The following TAFA2 variants were observed in gnomAD, a reference collection of about 807,000 sequenced individuals.
TAFA2 encodes the protein TAFA chemokine like family member 2.
TAFA2 carries 7 observed loss-of-function variants against 18.8 expected under a neutral mutation model. The ratio of observed to expected loss-of-function variants is 0.37; its 90% CI spans 0.21 to 0.70. The LOEUF is 0.70. TAFA2 is among the 30% of genes least tolerant of loss of function. The pLI, the probability that TAFA2 is intolerant of heterozygous loss-of-function variation, is 0.53. For synonymous variants in TAFA2, 60 were observed against 54.2 expected, an observed-to-expected ratio of 1.11 and a Z score of -0.47; for missense variants, 122 against 158.1, an observed-to-expected ratio of 0.77 and a Z score of 1.23.
intron 1 of TAFA2, chr12:62,258,160 T>A (rs1202394847): frequency 6.6e-6 from 1 of 152,182 alleles, no homozygotes; most frequent in Non-Finnish European, 1.5e-5. Context: ...AAGTTAGTAT[T>A]TTAAAGTGTT....
intron 1 of TAFA2, among the ~76,000 whole-genome samples, chr12:62,047,577 C>T (rs550705897): frequency 6.6e-6 from 1 of 152,092 alleles, no homozygotes; most frequent in Non-Finnish European, 1.5e-5. Context: ...ATTTAATTTC[C>T]AATGTAGCTT....
chr12:61,804,938 A>T (rs183427525), intron 2 of TAFA2, among the ~76,000 whole-genome samples: 23 of 152,116 alleles, frequency 1.5e-4, no homozygotes, highest in African/African-American at 5.5e-4. Flanking sequence ...CCATTTCTAT[A>T]GTATTTATAC....
chr12:62,196,091 G>A (rs2062648028), upstream of TAFA2, among the ~76,000 whole-genome samples: 1 of 152,188 alleles, frequency 6.6e-6, no homozygotes, highest in South Asian at 2.1e-4. Flanking sequence ...TATGGAGACA[G>A]CTTCTTTCTT....
Position 61,736,996 on chromosome 12 carries a change from T to C in TAFA2, c.384+16626A>G, listed in dbSNP as rs144875204. Among the ~76,000 whole-genome samples the C allele has an allele frequency of 6.0e-3, 917 of 152,078 alleles. 17 individuals carry two copies. Among genetic ancestry groups the C allele is most frequent in the African/African-American group, 0.021 (873 of 41,524 alleles). On this transcript the variant is annotated intron_variant, in intron 4 of 4. Coordinates refer to ENST00000416284, the MANE Select transcript of TAFA2 (RefSeq NM_178539.5). The stretch of plus-strand genomic sequence containing the variant: ...ACTTTCCCATCATAAAGATGAGACA[T>C]AGAGATAGTAATGTGAAAGACTGAC...
rs138019708 is a variant in TAFA2 at position 62,224,308 on chromosome 12, T to G, written c.-130+34455A>C. 3.5e-3 allele frequency among the ~76,000 whole-genome samples: 539 copies of G among 152,286 alleles called. 4 individuals carry two copies. Among genetic ancestry groups the G allele is most frequent in the Admixed American group, 9.7e-3 (149 of 15,298 alleles). On this transcript the variant is annotated intron_variant, in intron 1 of 5. Transcript: ENST00000551619. ...TTTAGGCTGCCACAGCAAAATACCA[T>G]AATCTGGGTGGCTTATCAATAATAG...
chr12:62,007,390 C>T (rs10877781), intron 1 of TAFA2, among the ~76,000 whole-genome samples: 62,137 of 151,964 alleles, frequency 0.41, 13,297 homozygotes, highest in Non-Finnish European at 0.46. Flanking sequence ...TATTTATAAT[C>T]TGTATCTTCC....
At chr12:61,868,435 C>T (rs896432903) in intron 1 of TAFA2, among the ~76,000 whole-genome samples, 7 of 152,118 alleles carry the variant, frequency 4.6e-5, no homozygotes, top group African/African-American at 1.2e-4. Context: ...TGTGACTTTC[C>T]GATTCAGATC....
chr12:61,794,085 A>G (rs1255046370), intron 2 of TAFA2, among the ~76,000 whole-genome samples: 1 of 151,970 alleles, frequency 6.6e-6, no homozygotes, highest in Non-Finnish European at 1.5e-5. Context: ...TGGAAAATCT[A>G]CAACTATCAT....
intron 1 of TAFA2, among the ~76,000 whole-genome samples, chr12:62,006,775 C>G (rs1392348428): frequency 6.6e-6 from 1 of 152,130 alleles, no homozygotes; most frequent in Admixed American, 6.5e-5. Context: ...TCTCCCCAAC[C>G]CATTTTCTAT....
At chr12:62,075,229 TG>T (rs1263712239) in intron 1 of TAFA2, among the ~76,000 whole-genome samples, 1 of 152,224 alleles carries the variant, frequency 6.6e-6, no homozygotes, top group East Asian at 1.9e-4. Flanking sequence ...TTTAATGTAC[TG>T]TGTATTTCAT....
intron 1 of TAFA2, among the ~76,000 whole-genome samples, chr12:62,198,031 A>G (rs1370277305): frequency 1.3e-5 from 2 of 152,200 alleles, no homozygotes; most frequent in Non-Finnish European, 2.9e-5. Flanking sequence ...AGTATTTTCT[A>G]AAGTGTCTGT....
intron 4 of TAFA2, among the ~76,000 whole-genome samples, chr12:61,738,857 G>A (rs1336012469): frequency 6.6e-6 from 1 of 152,088 alleles, no homozygotes; most frequent in Non-Finnish European, 1.5e-5. Context: ...AGAGATAGTA[G>A]AGGAAGTTTT....
intron 1 of TAFA2, among the ~76,000 whole-genome samples, chr12:62,136,585 C>T (rs910757564): frequency 2.6e-5 from 4 of 152,108 alleles, no homozygotes; most frequent in African/African-American, 9.7e-5. Context: ...GGTATAAAGA[C>T]ATCCAAAGCT....
At chr12:62,130,502 G>A (rs923775233) in intron 1 of TAFA2, among the ~76,000 whole-genome samples, 8 of 151,862 alleles carry the variant, frequency 5.3e-5, no homozygotes, top group South Asian at 4.1e-4. Context: ...TGGCTAACCC[G>A]CTCCCCAGGG....
intron 1 of TAFA2, among the ~76,000 whole-genome samples, chr12:61,906,874 T>A (rs979782890): frequency 1.6e-4 from 25 of 152,238 alleles, no homozygotes; most frequent in Admixed American, 1.2e-3. Flanking sequence ...GCCCCTGCTC[T>A]AGAGATCTGT....
chr12:62,170,980 TTC>T (rs1165090731), intron 1 of TAFA2, among the ~76,000 whole-genome samples: 1 of 152,200 alleles, frequency 6.6e-6, no homozygotes, highest in East Asian at 1.9e-4. Flanking sequence ...CCTGTAGCAT[TTC>T]TAAATTGATC....
chr12:62,062,442 T>C (rs1882374785), intron 1 of TAFA2, among the ~76,000 whole-genome samples: 1 of 152,096 alleles, frequency 6.6e-6, no homozygotes, highest in East Asian at 1.9e-4. Flanking sequence ...GCTGCAGCTG[T>C]GATAGGAGGC....
intron 2 of TAFA2, among the ~76,000 whole-genome samples, chr12:61,832,064 C>T (rs1056812739): frequency 6.6e-6 from 1 of 152,036 alleles, no homozygotes; most frequent in African/African-American, 2.4e-5. Flanking sequence ...TTCCTTCACG[C>T]TTGCTCTTCT....
At chr12:61,779,627 A>G (rs1870418810) in intron 2 of TAFA2, among the ~76,000 whole-genome samples, 1 of 151,882 alleles carries the variant, frequency 6.6e-6, no homozygotes, top group Non-Finnish European at 1.5e-5. Flanking sequence ...ATTATGTTCT[A>G]TGAACTCTCC....
Sources: allele counts gnomAD v4.1 joint callset (sites outside exome capture counted in the v4.1 genomes callset), GRCh38; gene constraint gnomAD v4.1.1; transcripts MANE v1.5; gene names NCBI Gene and HGNC (gene_info 2026-07-23, HGNC 2026-07-21).